The following ESR1 variants were observed in gnomAD, a reference collection of about 807,000 sequenced individuals.
ESR1 encodes estrogen receptor.
Under a neutral mutation model 52.7 loss-of-function variants are expected in ESR1, and 12 were observed. The observed-to-expected ratio is 0.23, with a 90% confidence interval of 0.15 to 0.37. ESR1 has a LOEUF of 0.37. Ranked by LOEUF, ESR1 falls within the 10% of genes least tolerant of loss-of-function variation. The pLI is 1.00. For synonymous variants in ESR1, 305 were observed against 316.8 expected (o/e 0.96, Z 0.39); for missense variants, 584 against 779.7 (o/e 0.75, Z 2.99).
intron 1 of ESR1, among the ~76,000 whole-genome samples, chr6:151,818,219 C>T (rs1779981861): frequency 6.6e-6 from 1 of 152,190 alleles, no homozygotes; most frequent in Non-Finnish European, 1.5e-5. Context: ...CTCATTTCCT[C>T]ATGTGAACTC....
At chr6:151,978,731 A>G (rs1158175340) in intron 4 of ESR1, among the ~76,000 whole-genome samples, 1 of 152,180 alleles carries the variant, frequency 6.6e-6, no homozygotes, top group Non-Finnish European at 1.5e-5. Context: ...TTGGGAGAAT[A>G]TAATTTTCAA....
intron 6 of ESR1, among the ~76,000 whole-genome samples, chr6:152,075,692 A>G (rs1194737253): frequency 6.6e-6 from 1 of 152,264 alleles, no homozygotes; most frequent in Non-Finnish European, 1.5e-5. Flanking sequence ...ACCAGAACCA[A>G]GATGATATGA....
At chr6:151,775,495 C>T (rs1163798541) in intron 2 of ESR1, among the ~76,000 whole-genome samples, 2 of 152,136 alleles carry the variant, frequency 1.3e-5, no homozygotes, top group Non-Finnish European at 2.9e-5. Context: ...CACCTGTAAT[C>T]CCAGCACTTT....
At chr6:151,865,087 T>TA (rs1354515684) in intron 2 of ESR1, among the ~76,000 whole-genome samples, 1 of 152,062 alleles carries the variant, frequency 6.6e-6, no homozygotes, top group African/African-American at 2.4e-5. Context: ...TAAAGTATAA[T>TA]AAAAAATATT....
intron 2 of ESR1, among the ~76,000 whole-genome samples, chr6:151,862,744 T>G (rs1013638271): frequency 3.3e-5 from 5 of 152,068 alleles, no homozygotes; most frequent in African/African-American, 9.7e-5. Context: ...CACTTAGCCT[T>G]TTTCCTATTC....
chr6:152,071,497 G>A (rs1230315082), intron 6 of ESR1, among the ~76,000 whole-genome samples: 1 of 152,154 alleles, frequency 6.6e-6, no homozygotes, highest in Non-Finnish European at 1.5e-5. Flanking sequence ...GCTTCTGTGT[G>A]CTTGCCCATG....
At chr6:151,995,754 C>T (rs2041424393) in intron 4 of ESR1, among the ~76,000 whole-genome samples, 1 of 152,144 alleles carries the variant, frequency 6.6e-6, no homozygotes, top group Admixed American at 6.5e-5. Context: ...GATTGAATCA[C>T]CTTGAATCAC....
At chr6:152,111,265 G>C (rs143058511) in intron 6 of ESR1, among the ~76,000 whole-genome samples, 1 of 152,334 alleles carries the variant, frequency 6.6e-6, no homozygotes, top group African/African-American at 2.4e-5. Flanking sequence ...CTGGAGCAAG[G>C]AAGCCTTTGG....
intron 1 of ESR1, among the ~76,000 whole-genome samples, chr6:151,700,876 A>G (rs1779726801): frequency 6.6e-6 from 1 of 152,144 alleles, no homozygotes; most frequent in South Asian, 2.1e-4. Flanking sequence ...AAAAAAACCC[A>G]GGGCCTTTTT....
chr6:152,112,269 G>A (rs1168136698), intron 6 of ESR1, among the ~76,000 whole-genome samples: 1 of 152,238 alleles, frequency 6.6e-6, no homozygotes, highest in Non-Finnish European at 1.5e-5. Flanking sequence ...CAATGTCAGA[G>A]AACTTGAAAC....
intron 2 of ESR1, among the ~76,000 whole-genome samples, chr6:151,781,580 C>A (rs1291645856): frequency 6.6e-6 from 1 of 152,314 alleles, no homozygotes; most frequent in South Asian, 2.1e-4. Flanking sequence ...GACTCCCAAT[C>A]CAGAATGTTT....
At position 152,102,945 on chromosome 6, in the gene ESR1, G is replaced by A. The variant is rs2051005233; in HGVS notation, c.*3979G>A. 4.5e-6 allele frequency: 1 copy of A among 223,390 alleles called. No homozygotes were observed. The highest frequency in any genetic ancestry group is 5.7e-5 in the Admixed American group (1 of 17,426). 13.8% of individuals were successfully genotyped at this position (223,390 alleles called of 1,614,324 possible). A position where few individuals can be genotyped will look rare whatever the true frequency, so the allele number is the denominator to read the frequency against. ...ATTCACAGAGAGGTCATTGGTTATA[G>A]AGACTTGAATTAATAAGTGACATTA... is the stretch of plus-strand genomic sequence containing the variant. On this transcript the variant is annotated 3_prime_UTR_variant, in exon 8 of 8. Transcript: ENST00000206249.
chr6:151,860,927 G>T (rs962211720), intron 2 of ESR1, among the ~76,000 whole-genome samples: 1 of 152,014 alleles, frequency 6.6e-6, no homozygotes, highest in African/African-American at 2.4e-5. Context: ...TCATGAACAC[G>T]AAGCTTTAGA....
At chr6:152,062,335 C>T (rs1018110042) in intron 6 of ESR1, among the ~76,000 whole-genome samples, 3 of 152,194 alleles carry the variant, frequency 2.0e-5, no homozygotes, top group Non-Finnish European at 2.9e-5. Flanking sequence ...CCTCCCATGA[C>T]AATTTTCCAC....
chr6:152,072,883 A>G (rs549494324), intron 6 of ESR1, among the ~76,000 whole-genome samples: 1 of 152,378 alleles, frequency 6.6e-6, no homozygotes, highest in Non-Finnish European at 1.5e-5. Flanking sequence ...AGTATTAATC[A>G]TTGAGTTAGA....
At chr6:151,897,256 C>T (rs1795673076) in intron 3 of ESR1, among the ~76,000 whole-genome samples, 1 of 152,090 alleles carries the variant, frequency 6.6e-6, no homozygotes, top group Admixed American at 6.5e-5. Flanking sequence ...TCTTGATGAC[C>T]TGTCTAGTAT....
chr6:151,942,770 G>C (rs1460034013), intron 3 of ESR1, among the ~76,000 whole-genome samples: 1 of 151,952 alleles, frequency 6.6e-6, no homozygotes, highest in Non-Finnish European at 1.5e-5. Context: ...GTTATAAAGA[G>C]CATTTATTTC....
At chr6:151,935,547 C>A (rs1301414933) in intron 3 of ESR1, among the ~76,000 whole-genome samples, 1 of 152,182 alleles carries the variant, frequency 6.6e-6, no homozygotes, top group Non-Finnish European at 1.5e-5. Context: ...GGTCACCTAC[C>A]TTCACCCTAG....
chr6:152,062,579 T>G (rs2047636106), intron 6 of ESR1, among the ~76,000 whole-genome samples: 1 of 152,222 alleles, frequency 6.6e-6, no homozygotes, highest in African/African-American at 2.4e-5. Flanking sequence ...TCGTTTGTCC[T>G]GTACATTGTA....
Sources: allele counts gnomAD v4.1 joint callset (sites outside exome capture counted in the v4.1 genomes callset), GRCh38; gene constraint gnomAD v4.1.1; transcripts MANE v1.5; gene names NCBI Gene and HGNC (gene_info 2026-07-23, HGNC 2026-07-21).